The following BNC2 variants were observed in gnomAD, a reference collection of about 807,000 sequenced individuals.
The protein encoded by BNC2 is zinc finger protein basonuclin-2.
In BNC2, 20 loss-of-function variants were observed where a neutral mutation model predicts 76.3. That is an observed-to-expected ratio of 0.26 (90% CI 0.18 to 0.38). The LOEUF (loss-of-function observed/expected upper bound fraction) is 0.38, where lower values mean the gene tolerates loss of function less well. BNC2 is among the 10% of genes least tolerant of loss of function. The pLI, the probability that BNC2 is intolerant of heterozygous loss-of-function variation, is 1.00. For synonymous variants in BNC2, 582 were observed against 514.8 expected, an observed-to-expected ratio of 1.13 and a Z score of -1.77; for missense variants, 1,382 against 1,399.8, an observed-to-expected ratio of 0.99 and a Z score of 0.20.
At chr9:16,508,853 T>C (rs1264055087) in intron 5 of BNC2, among the ~76,000 whole-genome samples, 2 of 151,682 alleles carry the variant, frequency 1.3e-5, no homozygotes, top group Non-Finnish European at 2.9e-5. Context: ...GACATTGTCT[T>C]GCTCTGTCAC....
chr9:16,453,425 T>G (rs1012149601), intron 5 of BNC2, among the ~76,000 whole-genome samples: 1 of 152,156 alleles, frequency 6.6e-6, no homozygotes, highest in Non-Finnish European at 1.5e-5. Context: ...TTCCCACTAT[T>G]CTTCTGAAAT....
At chr9:16,546,501 G>C (rs928886089) in intron 5 of BNC2, among the ~76,000 whole-genome samples, 1 of 152,024 alleles carries the variant, frequency 6.6e-6, no homozygotes, top group African/African-American at 2.4e-5. Context: ...AACTACAAAA[G>C]GTATGTATCC....
At chr9:16,431,924 C>T (rs1820917010) in intron 6 of BNC2, among the ~76,000 whole-genome samples, 2 of 152,132 alleles carry the variant, frequency 1.3e-5, no homozygotes, top group South Asian at 4.1e-4. Context: ...TAATGCTCAC[C>T]CACCCACCAC....
intron 1 of BNC2, among the ~76,000 whole-genome samples, chr9:16,845,169 G>A (rs1026913768): frequency 2.0e-5 from 3 of 152,104 alleles, no homozygotes; most frequent in South Asian, 2.1e-4. Context: ...CTTTCTCTTA[G>A]GCAGCCTATC....
intron 3 of BNC2, among the ~76,000 whole-genome samples, chr9:16,687,588 C>G (rs1049534087): frequency 6.8e-4 from 104 of 152,058 alleles, no homozygotes; most frequent in African/African-American, 2.4e-3. Flanking sequence ...TATTCCAAAT[C>G]AAAATGAATC....
At chr9:16,808,499 T>TTTG (rs1249735400) in intron 1 of BNC2, among the ~76,000 whole-genome samples, 1 of 137,430 alleles carries the variant, frequency 7.3e-6, no homozygotes, top group Non-Finnish European at 1.6e-5. Context: ...TTTTTTTTTT[T>TTTG]TTTTTTTGAG....
chr9:16,618,380 G>A (rs1025703882), intron 3 of BNC2, among the ~76,000 whole-genome samples: 6 of 152,140 alleles, frequency 3.9e-5, no homozygotes, highest in African/African-American at 1.4e-4. Context: ...CTTTTTAGAT[G>A]ATGAACCTTC....
chr9:16,428,732 T>C (rs555509471), intron 6 of BNC2, among the ~76,000 whole-genome samples: 1 of 152,232 alleles, frequency 6.6e-6, no homozygotes, highest in Non-Finnish European at 1.5e-5. Context: ...AAACTAGAAG[T>C]GGGTAACATT....
intron 1 of BNC2, among the ~76,000 whole-genome samples, chr9:16,784,087 G>A (rs994613924): frequency 6.6e-6 from 1 of 152,134 alleles, no homozygotes; most frequent in African/African-American, 2.4e-5. Context: ...TCAAGGAATG[G>A]AGGAAAGCAT....
rs189102465 is a variant in BNC2 at position 16,848,336 on chromosome 9, T to A, written c.3+22310A>T. On this transcript the variant is annotated intron_variant, in intron 1 of 6. Transcript: ENST00000380672. ...GTGAAGAGGAGGTATTGTGAATGGG[T>A]GCTGGAAACATAAAGCTTGTAATTA... Among the ~76,000 whole-genome samples, 282 of 152,244 alleles carry A rather than the reference T, an allele frequency of 1.9e-3. 1 individual carries two copies. Among genetic ancestry groups the A allele is most frequent in the African/African-American group, 6.5e-3 (269 of 41,558 alleles).
rs182932161 is a variant in BNC2, at chr9:16,745,823, G to T, written c.4-7338C>A. ...AACCCATTACATGTGACTGTATCAG[G>T]GGCCCTGCTGGAAGTACAGACATGG... On this transcript the variant is annotated intron_variant, in intron 1 of 6. Transcript: ENST00000380672. Among the ~76,000 whole-genome samples the T allele has an allele frequency of 5.3e-5, 8 of 152,268 alleles. No individual in the cohort carries two copies. In the East Asian group the frequency reaches 1.5e-3, roughly 29 times the overall value.
chr9:16,475,095 T>G (rs1266622205), intron 5 of BNC2, among the ~76,000 whole-genome samples: 1 of 152,170 alleles, frequency 6.6e-6, no homozygotes, highest in Non-Finnish European at 1.5e-5. Context: ...CTTTACACCA[T>G]GGTGAACTCC....
intron 1 of BNC2, among the ~76,000 whole-genome samples, chr9:16,753,914 T>C (rs1825297853): frequency 6.6e-6 from 1 of 152,294 alleles, no homozygotes; most frequent in African/African-American, 2.4e-5. Flanking sequence ...ACTGAATGTC[T>C]ATGCCTTACT....
chr9:16,635,198 A>T lies in BNC2; in HGVS notation c.331-52113T>A, dbSNP rs371921028. Among the ~76,000 whole-genome samples the T allele has an allele frequency of 1.8e-3, 269 of 152,316 alleles. 8 individuals are homozygous for T. The South Asian group carries it at 0.054, about 31-fold the overall frequency. On this transcript the variant is annotated intron_variant, in intron 3 of 6. Coordinates refer to ENST00000380672, the MANE Select transcript of BNC2 (RefSeq NM_017637.6). The stretch of plus-strand genomic sequence containing the variant: ...ATTTTCTCACTGTAGTTAAAAAGAG[A>T]TTAACTTTAATCCCATGTCATATTA...
chr9:16,563,434 C>A (rs138846354), intron 4 of BNC2, among the ~76,000 whole-genome samples: 15 of 151,656 alleles, frequency 9.9e-5, no homozygotes, highest in African/African-American at 3.6e-4. Context: ...GCCTGGCCAA[C>A]AGAGCGAAAC....
chr9:16,412,104 C>T lies in BNC2; in HGVS notation c.*6885G>A, dbSNP rs1820473410. ...GTCCCCATCACTCGATTTTCTAAAG[C>T]TCCCTGTACTTGTACTTACCAAAGT... On this transcript the variant is annotated 3_prime_UTR_variant, in exon 7 of 7. Transcript: ENST00000380672. 1 of 152,618 alleles carries T rather than the reference C, an allele frequency of 6.6e-6. No homozygotes were observed. The highest frequency in any genetic ancestry group is 1.5e-5 in the Non-Finnish European group (1 of 68,032). The allele number at this position is 152,618 out of a possible 1,614,324, so 9.5% of individuals were successfully genotyped here.
rs577748480 is a variant in BNC2, at chr9:16,457,371, G to A, written c.670-19847C>T. Among the ~76,000 whole-genome samples the A allele has an allele frequency of 9.3e-4, 141 of 152,214 alleles. 1 individual carries two copies. Among genetic ancestry groups the A allele is most frequent in the African/African-American group, 3.2e-3 (133 of 41,536 alleles). On this transcript the variant is annotated intron_variant, in intron 5 of 6. Transcript: ENST00000380672. ...TCCCTAAGATCAGTCCCAGGATTGC[G>A]AGACTCACAGGACTCAGCACGTGGT...
intron 4 of BNC2, among the ~76,000 whole-genome samples, chr9:16,580,689 GTAGA>G (rs1451470683): frequency 6.6e-6 from 1 of 152,132 alleles, no homozygotes; most frequent in Non-Finnish European, 1.5e-5. Flanking sequence ...GGCTACCATA[GTAGA>G]TAGATAATGA....
At chr9:16,610,383 C>A (rs886796873) in intron 3 of BNC2, among the ~76,000 whole-genome samples, 15 of 152,058 alleles carry the variant, frequency 9.9e-5, no homozygotes, top group Admixed American at 5.2e-4. Context: ...TCCTTAAATA[C>A]CCCCAGAAGG....
Sources: gnomAD v4.1 joint callset for allele counts (sites outside exome capture counted in the v4.1 genomes callset) on GRCh38, gnomAD v4.1.1 for gene constraint, MANE v1.5 for transcripts, NCBI Gene and HGNC (gene_info 2026-07-23, HGNC 2026-07-21) for gene names.